The following DNAJC16 variants were observed in gnomAD, a reference collection of about 807,000 sequenced individuals.
DNAJC16 encodes the protein DnaJ heat shock protein family (Hsp40) member C16, also known as dnaJ homolog subfamily C member 16.
A neutral mutation model predicts 92.7 loss-of-function variants in DNAJC16; 76 were observed. The observed-to-expected ratio is 0.82, with a 90% CI of 0.68 to 0.99. DNAJC16 has a LOEUF of 0.99. Among genes scored for constraint, DNAJC16 ranks in the 50% least tolerant of loss-of-function variants. DNAJC16 has a pLI of 0.00. For missense variants in DNAJC16, 869 were observed against 942.4 expected (o/e 0.92, Z 1.02); for synonymous variants, 328 against 358.7 (o/e 0.91, Z 0.97).
At chr1:15,537,965 G>T (rs1181801273) in intron 4 of DNAJC16, among the ~76,000 whole-genome samples, 1 of 152,202 alleles carries the variant, frequency 6.6e-6, no homozygotes, top group Non-Finnish European at 1.5e-5. Flanking sequence ...GTGCTTGCTG[G>T]AAGGTGCAGG....
At chr1:15,544,611 T>G (rs752940852) in intron 5 of DNAJC16, 28 bp downstream of exon 5, 1 of 1,609,948 alleles carries the variant, frequency 6.2e-7, no homozygotes, top group Non-Finnish European at 8.5e-7. Context: ...AAACTATGGC[T>G]GAGAAGTAGT....
chr1:15,566,812 A>G (rs1638820843), intron 13 of DNAJC16, among the ~76,000 whole-genome samples: 1 of 152,156 alleles, frequency 6.6e-6, no homozygotes, highest in South Asian at 2.1e-4. Context: ...TGAGCCCAGG[A>G]GGTCGAGGCT....
intron 13 of DNAJC16, among the ~76,000 whole-genome samples, chr1:15,566,784 T>C (rs944068722): frequency 3.3e-5 from 5 of 152,240 alleles, no homozygotes; most frequent in African/African-American, 1.2e-4. Context: ...CTTGGGAGGC[T>C]GAGGTAGGAG....
chr1:15,533,557 G>A (rs951022262), intron 2 of DNAJC16, among the ~76,000 whole-genome samples: 6 of 152,178 alleles, frequency 3.9e-5, no homozygotes, highest in Non-Finnish European at 8.8e-5. Flanking sequence ...GAGCCTGGGA[G>A]GCAGAGGTTG....
At chr1:15,541,998 G>A (rs558719164) in intron 4 of DNAJC16, among the ~76,000 whole-genome samples, 3 of 152,216 alleles carry the variant, frequency 2.0e-5, no homozygotes, top group African/African-American at 7.2e-5. Flanking sequence ...CTATTGAGGC[G>A]ACTCTTAGTG....
chr1:15,529,900 A>G (rs186904243), intron 2 of DNAJC16, among the ~76,000 whole-genome samples: 59 of 152,294 alleles, frequency 3.9e-4, no homozygotes, highest in African/African-American at 1.3e-3. Flanking sequence ...AATCATCTCT[A>G]GCTTACTTAT....
intron 13 of DNAJC16, 164 bp from the exon 14 acceptor site, chr1:15,566,935 C>A: frequency 1.7e-6 from 1 of 575,818 alleles, no homozygotes; most frequent in Non-Finnish European, 3.0e-6. Flanking sequence ...TCAGGGATTA[C>A]CAAGTCAGGC....
At chr1:15,545,288 G>A (rs989971053) in intron 5 of DNAJC16, among the ~76,000 whole-genome samples, 1 of 152,062 alleles carries the variant, frequency 6.6e-6, no homozygotes, top group African/African-American at 2.4e-5. Flanking sequence ...AATTTTCATC[G>A]TATTTCTACA....
chr1:15,536,065 T>G (rs539391057), intron 3 of DNAJC16, among the ~76,000 whole-genome samples: 64 of 81,558 alleles, frequency 7.8e-4, no homozygotes, highest in African/African-American at 5.0e-3. Context: ...TTCTTTTCTT[T>G]TCTTTTCTTT....
intron 3 of DNAJC16, among the ~76,000 whole-genome samples, chr1:15,536,019 G>A (rs556768310): frequency 3.5e-4 from 53 of 149,552 alleles, no homozygotes; most frequent in African/African-American, 1.2e-3. Context: ...CCAAACCTTG[G>A]CCTCACATAA....
intron 7 of DNAJC16, among the ~76,000 whole-genome samples, chr1:15,550,847 C>G (rs1247916812): frequency 6.6e-6 from 1 of 152,166 alleles, no homozygotes; most frequent in African/African-American, 2.4e-5. Flanking sequence ...AAAAACAAAC[C>G]ACTAGATTCA....
Position 15,536,700 on chromosome 1 carries a change from G to C in DNAJC16, c.460G>C (p.Val154Leu). The C allele has an allele frequency of 6.2e-7, 1 of 1,614,158 alleles. No homozygotes were observed. Among genetic ancestry groups the C allele is most frequent in the Non-Finnish European group, 8.5e-7 (1 of 1,180,050 alleles). The change falls in exon 4 of 15, where the codon GTT becomes CTT. Residue 154 changes from valine (V) to leucine (L), a missense_variant. Physicochemically the swap from Val to Leu is conservative, Grantham distance 32 (BLOSUM62 1). Transcript: ENST00000375847. ...CTTTTCACATTATGTGAATGAAGTG[G>C]TTCCAGATAGCTTCAAGAAACCCTA... ...LHFSHYVNEV[V>L]PDSFKKPYLI...
rs1638937628 is a variant in DNAJC16, at chr1:15,571,027, A to T, written c.*2850A>T. 6.6e-6 allele frequency: 1 copy of T among 151,996 alleles called. No homozygotes were observed. The highest frequency in any genetic ancestry group is 2.4e-5 in the African/African-American group (1 of 41,386). 9.4% of individuals were successfully genotyped at this position (151,996 alleles called of 1,614,324 possible). A position where few individuals can be genotyped will look rare whatever the true frequency, so the allele number is the denominator to read the frequency against. On this transcript the variant is annotated 3_prime_UTR_variant, in exon 15 of 15. Transcript: ENST00000375847. Reference sequence around the variant, plus strand: ...ATGCCAATTTCCAAAAAAAAAAAAAAATTTGTTGCTCAGGTGTTGCACAAT... The same window carrying T: ...ATGCCAATTTCCAAAAAAAAAAAAATATTTGTTGCTCAGGTGTTGCACAAT...
intron 6 of DNAJC16, among the ~76,000 whole-genome samples, chr1:15,548,017 T>C (rs763265934): frequency 1.3e-5 from 2 of 152,154 alleles, no homozygotes; most frequent in Non-Finnish European, 2.9e-5. Flanking sequence ...TCCTGACCAG[T>C]ACAGATTTCA....
intron 7 of DNAJC16, among the ~76,000 whole-genome samples, chr1:15,555,465 A>G (rs1638547670): frequency 6.6e-6 from 1 of 151,358 alleles, no homozygotes; most frequent in Admixed American, 6.6e-5. Flanking sequence ...CGGGTGGATC[A>G]CCAGGTCAGG....
rs1290129282 is a variant in DNAJC16, at chr1:15,568,863, A to C, written c.*686A>C. ...GGCTGAGCAGTGGCTGAAGCGATGC[A>C]GCCTTGAGACACGCTGTGAGCATCC... On this transcript the variant is annotated 3_prime_UTR_variant, in exon 15 of 15. Coordinates refer to ENST00000375847, the MANE Select transcript of DNAJC16 (RefSeq NM_015291.4). 1 of 396,704 alleles carries C rather than the reference A, an allele frequency of 2.5e-6. No homozygotes were observed. The highest frequency in any genetic ancestry group is 3.6e-5 in the East Asian group (1 of 28,006). 24.6% of individuals were successfully genotyped at this position (396,704 alleles called of 1,614,324 possible). A position where few individuals can be genotyped will look rare whatever the true frequency, so the allele number is the denominator to read the frequency against.
At position 15,536,457 on chromosome 1, in the gene DNAJC16, T is replaced by C; in HGVS notation, c.235-18T>C. The C allele has an allele frequency of 6.5e-7, 1 of 1,545,288 alleles. No homozygotes were observed. Among genetic ancestry groups the C allele is most frequent in the Non-Finnish European group, 8.7e-7 (1 of 1,149,510 alleles). Reference sequence around the variant, plus strand: ...ATGAACCTTTTGTTGTTGTTTAGATTTTTTTCTTCCTTTATAGATTCTTTC... The same window carrying C: ...ATGAACCTTTTGTTGTTGTTTAGATCTTTTTCTTCCTTTATAGATTCTTTC... On this transcript the variant is annotated intron_variant, in intron 3 of 14. Transcript: ENST00000375847.
At chr1:15,544,151 T>TGCATACACACACACACACACACACACAC (rs1638224750) in intron 4 of DNAJC16, among the ~76,000 whole-genome samples, 1 of 137,192 alleles carries the variant, frequency 7.3e-6, no homozygotes, top group African/African-American at 2.8e-5. Flanking sequence ...TGTATATGCA[T>TGCATACACACACACACACACACACACAC]ACACACACAC....
intron 7 of DNAJC16, among the ~76,000 whole-genome samples, chr1:15,559,297 G>A (rs897211377): frequency 1.3e-5 from 2 of 152,172 alleles, no homozygotes; most frequent in African/African-American, 4.8e-5. Flanking sequence ...CCAGTGGAAA[G>A]TGTACTTGAT....
Sources: gnomAD v4.1 joint callset for allele counts (sites outside exome capture counted in the v4.1 genomes callset) on GRCh38, gnomAD v4.1.1 for gene constraint, MANE v1.5 for transcripts, NCBI Gene and HGNC (gene_info 2026-07-23, HGNC 2026-07-21) for gene names.